TM9SF3: variants seen among roughly 807,000 people sequenced by gnomAD.
TM9SF3 encodes SM-11044-binding protein.
Under a neutral mutation model 78.6 loss-of-function variants are expected in TM9SF3, and 14 were observed. The observed-to-expected ratio is 0.18, with a 90% CI of 0.12 to 0.28. TM9SF3 has a LOEUF of 0.28. Among genes scored for constraint, TM9SF3 ranks in the 10% least tolerant of loss-of-function variants. The pLI is 1.00. For missense variants in TM9SF3, 496 were observed against 721.9 expected (o/e 0.69, Z 3.59); for synonymous variants, 231 against 241.7 (o/e 0.96, Z 0.41).
chr10:96,576,026 A>C (rs1270376680), intron 2 of TM9SF3, among the ~76,000 whole-genome samples: 1 of 152,224 alleles, frequency 6.6e-6, no homozygotes, highest in African/African-American at 2.4e-5. Flanking sequence ...TAAATATCCT[A>C]TAGGTATTAA....
chr10:96,550,992 T>C (rs976196490), intron 7 of TM9SF3, among the ~76,000 whole-genome samples: 6 of 152,236 alleles, frequency 3.9e-5, no homozygotes, highest in Non-Finnish European at 7.3e-5. Context: ...CCTCTGTTCA[T>C]ATCTTTAATG....
At chr10:96,551,172 A>G in intron 7 of TM9SF3, 73 bp downstream of exon 7, 1 of 1,225,982 alleles carries the variant, frequency 8.2e-7, no homozygotes, top group Non-Finnish European at 1.1e-6. Context: ...ATTATGATTG[A>G]CTTAAAAGAT....
At chr10:96,579,870 T>C (rs1315437939) in intron 1 of TM9SF3, among the ~76,000 whole-genome samples, 1 of 152,194 alleles carries the variant, frequency 6.6e-6, no homozygotes, top group African/African-American at 2.4e-5. Context: ...AAAGAAAATG[T>C]TTTAAAATAT....
intron 6 of TM9SF3, among the ~76,000 whole-genome samples, chr10:96,552,621 T>G (rs1451814042): frequency 6.6e-6 from 1 of 152,170 alleles, no homozygotes; most frequent in Non-Finnish European, 1.5e-5. Context: ...TTAAGCAGTA[T>G]TTAACAGTAT....
intron 9 of TM9SF3, among the ~76,000 whole-genome samples, chr10:96,541,196 G>A (rs2134137195): frequency 9.5e-6 from 1 of 105,036 alleles, no homozygotes; most frequent in Admixed American, 1.1e-4. Context: ...TAGGATCTGA[G>A]ATTTACAGCC....
At chr10:96,585,528 C>T (rs1382011589) in intron 1 of TM9SF3, among the ~76,000 whole-genome samples, 1 of 152,198 alleles carries the variant, frequency 6.6e-6, no homozygotes, top group Non-Finnish European at 1.5e-5. Context: ...GAAATACATA[C>T]CTACACAGGT....
At chr10:96,541,206 C>T (rs1848026424) in intron 9 of TM9SF3, among the ~76,000 whole-genome samples, 1 of 4,712 alleles carries the variant, frequency 2.1e-4, no homozygotes, top group East Asian at 0.011. Flanking sequence ...GATTTACAGC[C>T]CACGAAAGAA....
chr10:96,543,192 G>C (rs1314801704), intron 9 of TM9SF3, among the ~76,000 whole-genome samples: 1 of 152,140 alleles, frequency 6.6e-6, no homozygotes, highest in Non-Finnish European at 1.5e-5. Context: ...GAAGAATTGG[G>C]AGACCGTGGG....
intron 2 of TM9SF3, among the ~76,000 whole-genome samples, chr10:96,566,590 A>G (rs1848374057): frequency 6.6e-6 from 1 of 152,242 alleles, no homozygotes; most frequent in African/African-American, 2.4e-5. Context: ...TATGGGAAGA[A>G]AATTAATTTG....
rs548456054 is a variant in TM9SF3 at position 96,548,007 on chromosome 10, A to G, written c.960-18T>C. On this transcript the variant is annotated intron_variant, in intron 7 of 14. Coordinates refer to ENST00000371142, the MANE Select transcript of TM9SF3 (RefSeq NM_020123.4). ...ATCCCCTCCTAAAAAGGCAAAAAAG[A>G]AAAAAAAAATTAAAACCAACAATTT... 6.8e-7 allele frequency: 1 copy of G among 1,463,216 alleles called. No homozygotes were observed. Among genetic ancestry groups the G allele is most frequent in the South Asian group, 1.3e-5 (1 of 76,414 alleles). The allele number at this position is 1,463,216 out of a possible 1,614,324, so 90.6% of individuals were successfully genotyped here. A position where few individuals can be genotyped will look rare whatever the true frequency, so the allele number is the denominator to read the frequency against.
At chr10:96,554,024 C>G (rs1024918280) in intron 5 of TM9SF3, among the ~76,000 whole-genome samples, 2 of 152,108 alleles carry the variant, frequency 1.3e-5, no homozygotes, top group Non-Finnish European at 2.9e-5. Context: ...CTTTCCACAT[C>G]CAGTTTTGAG....
At position 96,520,540 on chromosome 10, in the gene TM9SF3, G is replaced by C. The variant is rs897944053; in HGVS notation, c.*1723C>G. On this transcript the variant is annotated 3_prime_UTR_variant, in exon 15 of 15. Coordinates refer to ENST00000371142, the MANE Select transcript of TM9SF3 (RefSeq NM_020123.4). The stretch of plus-strand genomic sequence containing the variant: ...TAAGGTTTAAATACAGGTGTTTTGA[G>C]TCTTTCTAAAAATAACAATATAAAG... 3 of 224,198 alleles carry C rather than the reference G, an allele frequency of 1.3e-5. No individual in the cohort carries two copies. Among genetic ancestry groups the C allele is most frequent in the East Asian group, 1.7e-4 (2 of 11,568 alleles). The allele number at this position is 224,198 out of a possible 1,614,324, so 13.9% of individuals were successfully genotyped here. A position where few individuals can be genotyped will look rare whatever the true frequency, so the allele number is the denominator to read the frequency against.
chr10:96,522,221 T>C lies in TM9SF3; in HGVS notation c.*42A>G. 1 of 1,558,922 alleles carries C rather than the reference T, an allele frequency of 6.4e-7. No individual in the cohort carries two copies. The highest frequency in any genetic ancestry group is 8.7e-7 in the Non-Finnish European group (1 of 1,143,008). On this transcript the variant is annotated 3_prime_UTR_variant, in exon 15 of 15. Coordinates refer to ENST00000371142, the MANE Select transcript of TM9SF3 (RefSeq NM_020123.4). ...TTTTGCTGTGCAAGTTCCACCCCTA[T>C]GAAAAAGAAATTGATCCAAAGTTCC...
intron 6 of TM9SF3, 90 bp downstream of exon 6, chr10:96,552,838 C>A: frequency 1.0e-5 from 13 of 1,250,862 alleles, no homozygotes; most frequent in Non-Finnish European, 1.3e-5. Flanking sequence ...TCAAAGACTT[C>A]CGGTAAGAAA....
At position 96,551,231 on chromosome 10, in the gene TM9SF3, G is replaced by T; in HGVS notation, c.959+14C>A. 6.3e-7 allele frequency: 1 copy of T among 1,598,830 alleles called. No individual in the cohort carries two copies. The highest frequency in any genetic ancestry group is 8.5e-7 in the Non-Finnish European group (1 of 1,172,474). On this transcript the variant is annotated intron_variant, in intron 7 of 14. Transcript: ENST00000371142. ...AACAATAAAGACATAATACAGTTAA[G>T]TGTAGGCACTTACTCAGTATATAAA...
chr10:96,549,998 T>C (rs1388914582), intron 7 of TM9SF3, among the ~76,000 whole-genome samples: 2 of 152,138 alleles, frequency 1.3e-5, no homozygotes, highest in Non-Finnish European at 2.9e-5. Context: ...GCACAACTTC[T>C]TGGTAGATGT....
At chr10:96,523,106 C>T (rs1018805733) in intron 14 of TM9SF3, among the ~76,000 whole-genome samples, 1 of 151,716 alleles carries the variant, frequency 6.6e-6, no homozygotes, top group African/African-American at 2.4e-5. Flanking sequence ...TTCTTTATTG[C>T]AAATATAGGT....
At chr10:96,565,731 A>T (rs1015041417) in intron 2 of TM9SF3, among the ~76,000 whole-genome samples, 8 of 152,176 alleles carry the variant, frequency 5.3e-5, no homozygotes, top group African/African-American at 1.9e-4. Flanking sequence ...AAATAAATTG[A>T]TTTTAAAAAC....
rs74904833 is a variant in TM9SF3, at chr10:96,578,798, G to A, written c.103-1969C>T. 8.5e-3 allele frequency among the ~76,000 whole-genome samples: 1,293 copies of A among 152,292 alleles called. 22 individuals are homozygous for A. The highest frequency in any genetic ancestry group is 0.03 in the African/African-American group (1,230 of 41,560). ...TTAGAATTAAAACTTGTTCATGGCC[G>A]GGTACGGTGACTCACACCTGTAATC... On this transcript the variant is annotated intron_variant, in intron 1 of 14. Coordinates refer to ENST00000371142, the MANE Select transcript of TM9SF3 (RefSeq NM_020123.4).
Sources: allele counts gnomAD v4.1 joint callset (sites outside exome capture counted in the v4.1 genomes callset), GRCh38; gene constraint gnomAD v4.1.1; transcripts MANE v1.5; gene names NCBI Gene and HGNC (gene_info 2026-07-23, HGNC 2026-07-21).